The following MBTD1 variants were observed in gnomAD, a reference collection of about 807,000 sequenced individuals.
MBTD1 encodes MBT domain-containing protein 1.
Under a neutral mutation model 87.8 loss-of-function variants are expected in MBTD1, and 24 were observed. That is an observed-to-expected ratio of 0.27 (90% CI 0.20 to 0.38). MBTD1 has a LOEUF of 0.38. Among genes scored for constraint, MBTD1 ranks in the 10% least tolerant of loss-of-function variants. The pLI, the probability that MBTD1 is intolerant of heterozygous loss-of-function variation, is 1.00. For missense variants in MBTD1, 436 were observed against 760.2 expected, an observed-to-expected ratio of 0.57 and a Z score of 5.02; for synonymous variants, 237 against 248.6, an observed-to-expected ratio of 0.95 and a Z score of 0.44.
intron 16 of MBTD1, among the ~76,000 whole-genome samples, chr17:51,190,750 A>AAAAAAAAAATAT (rs1555677185): frequency 2.5e-5 from 1 of 39,714 alleles, no homozygotes; most frequent in African/African-American, 1.5e-4. Context: ...AAAAAAAAAA[A>AAAAAAAAAATAT]ATATATATAT....
At chr17:51,209,330 G>A (rs944367378) in intron 6 of MBTD1, 3 of 470,404 alleles carry the variant, frequency 6.4e-6, no homozygotes, top group Non-Finnish European at 4.4e-6. Flanking sequence ...GACTCAGGAC[G>A]CGAGGTCCAC....
intron 2 of MBTD1, among the ~76,000 whole-genome samples, chr17:51,255,599 CCT>C (rs1491352530): frequency 6.8e-6 from 1 of 147,754 alleles, no homozygotes; most frequent in Non-Finnish European, 1.5e-5. Flanking sequence ...TTTTTTTTTT[CCT>C]TTTTTTTTTT....
chr17:51,222,020 A>G (rs888543534), intron 3 of MBTD1, among the ~76,000 whole-genome samples: 3 of 152,224 alleles, frequency 2.0e-5, no homozygotes, highest in African/African-American at 7.2e-5. Context: ...TGTTGCAAAA[A>G]TTCTAGAATA....
At chr17:51,217,807 C>T (rs2052655486) in intron 5 of MBTD1, among the ~76,000 whole-genome samples, 2 of 152,168 alleles carry the variant, frequency 1.3e-5, no homozygotes, top group Non-Finnish European at 2.9e-5. Flanking sequence ...CGGGGTTTCA[C>T]CATATTGGCC....
At position 51,180,094 on chromosome 17, in the gene MBTD1, G is replaced by A. The variant is rs929531885; in HGVS notation, c.*482C>T. On this transcript the variant is annotated 3_prime_UTR_variant, in exon 17 of 17. Coordinates refer to ENST00000586178, the MANE Select transcript of MBTD1 (RefSeq NM_017643.3). ...TGATGACCCCTCCATGAGGAGTTCA[G>A]TTGCATATTTCTGCAGCAAAAGAAG... The A allele has an allele frequency of 6.5e-6, 1 of 154,672 alleles. No individual in the cohort carries two copies. The highest frequency in any genetic ancestry group is 1.4e-5 in the Non-Finnish European group (1 of 69,990). 9.6% of individuals were successfully genotyped at this position (154,672 alleles called of 1,614,324 possible).
chr17:51,254,758 G>A (rs1210851276), intron 2 of MBTD1, among the ~76,000 whole-genome samples: 1 of 152,166 alleles, frequency 6.6e-6, no homozygotes, highest in African/African-American at 2.4e-5. Context: ...CACATGAATA[G>A]GCTTTCAGTT....
chr17:51,197,780 T>C (rs2051223205), intron 12 of MBTD1, among the ~76,000 whole-genome samples: 1 of 152,160 alleles, frequency 6.6e-6, no homozygotes, highest in African/African-American at 2.4e-5. Context: ...GTGCTAGGAT[T>C]ACTGGCGTGA....
chr17:51,193,172 G>A (rs910283626), intron 14 of MBTD1, among the ~76,000 whole-genome samples, 156 bp from the exon 15 acceptor site: 1 of 152,128 alleles, frequency 6.6e-6, no homozygotes. Flanking sequence ...AACATAGTAC[G>A]AAGGTGAAGT....
intron 16 of MBTD1, among the ~76,000 whole-genome samples, chr17:51,189,308 GTTC>G (rs970372004): frequency 6.6e-6 from 1 of 152,146 alleles, no homozygotes; most frequent in African/African-American, 2.4e-5. Flanking sequence ...TGGGTCCATA[GTTC>G]TTTTCTTTTC....
At chr17:51,213,453 A>T (rs2052376338) in intron 6 of MBTD1, among the ~76,000 whole-genome samples, 1 of 152,158 alleles carries the variant, frequency 6.6e-6, no homozygotes, top group South Asian at 2.1e-4. Flanking sequence ...ATTGCACCTA[A>T]CTGGCATATA....
intron 2 of MBTD1, among the ~76,000 whole-genome samples, chr17:51,238,973 G>A (rs752364594): frequency 7.2e-5 from 11 of 151,984 alleles, no homozygotes; most frequent in South Asian, 2.1e-4. Flanking sequence ...GGTAATGTGC[G>A]TCTGTAGTCC....
chr17:51,187,929 AG>A (rs2050622848), intron 16 of MBTD1, among the ~76,000 whole-genome samples: 1 of 152,088 alleles, frequency 6.6e-6, no homozygotes, highest in Non-Finnish European at 1.5e-5. Flanking sequence ...GTTTTCTTCC[AG>A]ATGACAGAAT....
intron 2 of MBTD1, among the ~76,000 whole-genome samples, chr17:51,231,720 G>C (rs9903808): frequency 0.62 from 93,841 of 151,820 alleles, 29,498 homozygotes; most frequent in African/African-American, 0.73. Context: ...CTAAGTATTG[G>C]AGGAATGAAT....
At chr17:51,234,673 T>C (rs939130524) in intron 2 of MBTD1, among the ~76,000 whole-genome samples, 5 of 152,128 alleles carry the variant, frequency 3.3e-5, no homozygotes, top group Admixed American at 1.3e-4. Flanking sequence ...ACTTAGGAAA[T>C]ACTACAGACT....
intron 6 of MBTD1, among the ~76,000 whole-genome samples, 178 bp downstream of exon 6, chr17:51,217,156 T>TAA (rs1598358685): frequency 6.6e-6 from 1 of 152,300 alleles, no homozygotes; most frequent in East Asian, 1.9e-4. Flanking sequence ...AACTTGTACT[T>TAA]ACAAAACTTA....
In MBTD1 at chr17:51,206,953, A is replaced by G. The variant is rs202110307; in HGVS notation, c.539T>C (p.Val180Ala). 1 of 1,613,832 alleles carries G rather than the reference A, an allele frequency of 6.2e-7. No individual in the cohort carries two copies. The highest frequency in any genetic ancestry group is 2.2e-5 in the East Asian group (1 of 44,860). The change falls in exon 7 of 17, where the codon GTT becomes GCT. Residue 180 changes from valine to alanine, a missense_variant. This residue lies in a region of MBTD1 where 268 missense variants were observed against 401.8 expected (regional missense o/e 0.67). Transcript: ENST00000586178. ...GDISENVRVEVPNTDCSLPTK... is the reference protein window; with the variant it reads ...GDISENVRVEAPNTDCSLPTK... ...AGGTAGGCTGCAGTCTGTATTGGGA[A>G]CTTCTACTCTCACATTTTCTGAGAT...
intron 6 of MBTD1, among the ~76,000 whole-genome samples, chr17:51,216,658 T>C (rs529846278): frequency 6.6e-6 from 1 of 152,346 alleles, no homozygotes; most frequent in African/African-American, 2.4e-5. Flanking sequence ...AATTGCAGAT[T>C]TAAGTAACAT....
At chr17:51,217,798 G>A (rs776364247) in intron 5 of MBTD1, among the ~76,000 whole-genome samples, 2 of 152,020 alleles carry the variant, frequency 1.3e-5, no homozygotes, top group South Asian at 2.1e-4. Context: ...TAGTAGAGAC[G>A]GGGTTTCACC....
rs1199403370 is a variant in MBTD1, at chr17:51,179,482, TTTTATATATATATATATATATATATATA to T, written c.*1066_*1093del. ...AAATCCTGAATACAATTAAAGACAA[TTTTATATATATATATATATATATATATA>T]TATATATATATATATATATATATAT... On this transcript the variant is annotated 3_prime_UTR_variant, in exon 17 of 17. Coordinates refer to ENST00000586178, the MANE Select transcript of MBTD1 (RefSeq NM_017643.3). 5.0e-3 allele frequency: 159 copies of T among 31,648 alleles called. 13 individuals are homozygous for T. Among genetic ancestry groups the T allele is most frequent in the African/African-American group, 0.02 (115 of 5,720 alleles). The allele number at this position is 31,648 out of a possible 1,614,324, so 2.0% of individuals were successfully genotyped here. A position where few individuals can be genotyped will look rare whatever the true frequency, so the allele number is the denominator to read the frequency against.
Sources: gnomAD v4.1 joint callset for allele counts (sites outside exome capture counted in the v4.1 genomes callset) on GRCh38, gnomAD v4.1.1 for gene constraint, gnomAD v4.1.1 regional missense constraint, MANE v1.5 for transcripts, NCBI Gene and HGNC (gene_info 2026-07-23, HGNC 2026-07-21) for gene names.